CTNNA1: variants seen among roughly 807,000 people sequenced by gnomAD.
CTNNA1 encodes the protein catenin alpha 1.
CTNNA1 carries 37 observed loss-of-function variants against 98.4 expected under a neutral mutation model. The observed-to-expected ratio is 0.38, with a 90% CI of 0.29 to 0.49. The LOEUF is 0.49. Among genes scored for constraint, CTNNA1 ranks in the 20% least tolerant of loss-of-function variants. CTNNA1 has a pLI of 0.95. For missense variants in CTNNA1, 761 were observed against 1,147.2 expected (o/e 0.66, Z 4.86); for synonymous variants, 404 against 413.2 (o/e 0.98, Z 0.27).
Position 138,932,507 on chromosome 5 carries a change from G to GAAAC in CTNNA1, c.2299-69_2299-66dup, listed in dbSNP as rs1216082471. The GAAAC allele has an allele frequency of 1.2e-5, 19 of 1,578,076 alleles. No individual in the cohort carries two copies. The South Asian group carries it at 1.9e-4, about 16-fold the overall frequency. Reference sequence around the variant, plus strand: ...TGTGAGTGCCACACTGAACCTTTCAGAAACAGCCGTGGGGTCGGGGGTGCT... The same window carrying GAAAC: ...TGTGAGTGCCACACTGAACCTTTCAGAAACAAACAGCCGTGGGGTCGGGGGTGCT... On this transcript the variant is annotated intron_variant, in intron 16 of 17. Transcript: ENST00000302763.
chr5:138,885,028 C>G (rs1266437962), intron 7 of CTNNA1, among the ~76,000 whole-genome samples: 63 of 152,204 alleles, frequency 4.1e-4, no homozygotes, highest in Non-Finnish European at 5.9e-5. Flanking sequence ...TATTTCAACT[C>G]TTACTATTCC....
At chr5:138,872,729 T>C in intron 7 of CTNNA1, 1 of 280,826 alleles carries the variant, frequency 3.6e-6, no homozygotes. Flanking sequence ...TGTAAAGGTT[T>C]ACACACGATT....
chr5:138,839,326 G>A (rs535682121), intron 7 of CTNNA1, among the ~76,000 whole-genome samples: 2 of 151,958 alleles, frequency 1.3e-5, no homozygotes, highest in African/African-American at 4.8e-5. Context: ...TCAGCCTCCC[G>A]AGTAGCTGGG....
At chr5:138,844,894 C>T (rs927132211) in intron 7 of CTNNA1, among the ~76,000 whole-genome samples, 2 of 152,080 alleles carry the variant, frequency 1.3e-5, no homozygotes, top group Non-Finnish European at 2.9e-5. Flanking sequence ...GACAGCAAAC[C>T]TCTTGGCTTG....
intron 14 of CTNNA1, 89 bp from the exon 15 acceptor site, chr5:138,930,384 A>G: frequency 1.1e-6 from 1 of 931,560 alleles, no homozygotes; most frequent in Non-Finnish European, 1.7e-6. Flanking sequence ...CCTATGCCAC[A>G]GATTGCCTGT....
chr5:138,785,949 A>G (rs913117410), intron 3 of CTNNA1, among the ~76,000 whole-genome samples: 19 of 152,160 alleles, frequency 1.2e-4, no homozygotes, highest in African/African-American at 4.3e-4. Context: ...TTGACTTTAT[A>G]TGTTTCTTAT....
At chr5:138,776,804 ACCC>A (rs552134161) in intron 1 of CTNNA1, among the ~76,000 whole-genome samples, 1 of 131,002 alleles carries the variant, frequency 7.6e-6, no homozygotes, top group South Asian at 2.4e-4. Flanking sequence ...CGGGGGGCTG[ACCC>A]CCCCACCTCC....
rs370088383 is a variant in CTNNA1 at position 138,812,167 on chromosome 5, C to A, written c.469-16C>A. 1.2e-6 allele frequency: 2 copies of A among 1,607,132 alleles called. No homozygotes were observed. Among genetic ancestry groups the A allele is most frequent in the African/African-American group, 2.7e-5 (2 of 74,366 alleles). On this transcript the variant is annotated splice_polypyrimidine_tract_variant and intron_variant, in intron 4 of 17. Coordinates refer to ENST00000302763, the MANE Select transcript of CTNNA1 (RefSeq NM_001903.5). ...ATTCAGAATTTTTGGGTTTTGGGGT[C>A]TTTCTTATTTTATAGGTGGAAGATG... is the stretch of plus-strand genomic sequence containing the variant.
Position 138,931,283 on chromosome 5 carries a change from A to T in CTNNA1, c.2298+348A>T, listed in dbSNP as rs1765257303. On this transcript the variant is annotated intron_variant, in intron 16 of 17. Transcript: ENST00000302763. Reference sequence around the variant, plus strand: ...GGGCCCAGGTTTCTTCATCCTCAGCACTGTGTTTCTCAGCCACCCCGTCTT... The same window carrying T: ...GGGCCCAGGTTTCTTCATCCTCAGCTCTGTGTTTCTCAGCCACCCCGTCTT... 2.0e-5 allele frequency among the ~76,000 whole-genome samples: 3 copies of T among 152,278 alleles called. No homozygotes were observed. In the South Asian group the frequency reaches 6.2e-4, roughly 32 times the overall value.
At chr5:138,781,336 G>A (rs1043771385) in intron 1 of CTNNA1, among the ~76,000 whole-genome samples, 2 of 152,104 alleles carry the variant, frequency 1.3e-5, no homozygotes, top group African/African-American at 4.8e-5. Flanking sequence ...GGATCATGAG[G>A]TCAGGAGATC....
At chr5:138,789,490 CTCTG>C (rs1409657041) in intron 3 of CTNNA1, among the ~76,000 whole-genome samples, 1 of 152,078 alleles carries the variant, frequency 6.6e-6, no homozygotes. Context: ...TGGAGTCTTG[CTCTG>C]TCGTCCAGGC....
chr5:138,865,799 C>T (rs531375114), intron 7 of CTNNA1, among the ~76,000 whole-genome samples: 37 of 152,098 alleles, frequency 2.4e-4, no homozygotes, highest in South Asian at 1.7e-3. Context: ...CTTTTTATAT[C>T]TTTATTTCAC....
At chr5:138,776,423 A>G (rs888203282) in intron 1 of CTNNA1, among the ~76,000 whole-genome samples, 1 of 152,156 alleles carries the variant, frequency 6.6e-6, no homozygotes, top group Non-Finnish European at 1.5e-5. Flanking sequence ...AACAAAATGA[A>G]AAGTCTCCCG....
intron 1 of CTNNA1, among the ~76,000 whole-genome samples, chr5:138,759,838 G>A (rs1305855208): frequency 6.6e-6 from 1 of 151,952 alleles, no homozygotes; most frequent in Non-Finnish European, 1.5e-5. Context: ...GTCTTTCCTT[G>A]GAAGTTGCAA....
In CTNNA1 at chr5:138,813,161, G is replaced by A. The variant is rs59330764; in HGVS notation, c.588+859G>A. Among the ~76,000 whole-genome samples the A allele has an allele frequency of 2.2e-3, 342 of 152,256 alleles. 2 individuals carry two copies. The highest frequency in any genetic ancestry group is 7.8e-3 in the African/African-American group (326 of 41,548). On this transcript the variant is annotated intron_variant, in intron 5 of 17. Transcript: ENST00000302763. ...GACTTCAGGGTTGTTAAATATAAGG[G>A]CTTTGCAGTATCATCAAGGATCCAG...
At chr5:138,759,425 A>G (rs1752070661) in intron 1 of CTNNA1, among the ~76,000 whole-genome samples, 1 of 152,138 alleles carries the variant, frequency 6.6e-6, no homozygotes, top group Non-Finnish European at 1.5e-5. Flanking sequence ...CACCCTCATG[A>G]TTGCTTTTGA....
intron 3 of CTNNA1, among the ~76,000 whole-genome samples, chr5:138,785,914 T>G (rs1424088491): frequency 6.6e-6 from 1 of 152,226 alleles, no homozygotes; most frequent in African/African-American, 2.4e-5. Flanking sequence ...TTAAAATGCA[T>G]TTAATTGTTG....
chr5:138,878,551 T>C (rs1439323585), intron 7 of CTNNA1, among the ~76,000 whole-genome samples: 1 of 152,224 alleles, frequency 6.6e-6, no homozygotes, highest in Non-Finnish European at 1.5e-5. Flanking sequence ...AAATCTAACC[T>C]GTCTCCTCTC....
At chr5:138,923,733 CGTT>C (rs1466936700) in intron 11 of CTNNA1, among the ~76,000 whole-genome samples, 1 of 152,142 alleles carries the variant, frequency 6.6e-6, no homozygotes, top group Non-Finnish European at 1.5e-5. Context: ...GTTGCTTTCA[CGTT>C]GTTACTACAG....
Sources: allele counts gnomAD v4.1 joint callset (sites outside exome capture counted in the v4.1 genomes callset), GRCh38; gene constraint gnomAD v4.1.1; transcripts MANE v1.5; gene names NCBI Gene and HGNC (gene_info 2026-07-23, HGNC 2026-07-21).